Variants in FBXL13 observed in about 807,000 individuals in gnomAD.
FBXL13 encodes F-box and leucine-rich repeat protein 13.
Under a neutral mutation model 83.6 loss-of-function variants are expected in FBXL13, and 67 were observed. That is an observed-to-expected ratio of 0.80 (90% CI 0.66 to 0.98). The LOEUF (loss-of-function observed/expected upper bound fraction) is 0.98. Ranked by LOEUF, FBXL13 falls within the 50% of genes least tolerant of loss-of-function variation. The pLI, the probability that FBXL13 is intolerant of heterozygous loss-of-function variation, is 0.00. For synonymous variants in FBXL13, 272 were observed against 299.5 expected (o/e 0.91, Z 0.95); for missense variants, 822 against 866.5 (o/e 0.95, Z 0.64).
At chr7:103,020,240 T>C (rs564039277) in intron 6 of FBXL13, among the ~76,000 whole-genome samples, 2 of 152,288 alleles carry the variant, frequency 1.3e-5, no homozygotes. Context: ...ATTATCTCAA[T>C]AGATACAGAA....
chr7:102,992,013 T>C (rs1043245787), intron 6 of FBXL13, among the ~76,000 whole-genome samples: 1 of 152,188 alleles, frequency 6.6e-6, no homozygotes, highest in Non-Finnish European at 1.5e-5. Flanking sequence ...GGTCCCAGAA[T>C]TCTGTTAATG....
chr7:103,047,820 A>G (rs977644522), intron 2 of FBXL13, among the ~76,000 whole-genome samples: 11 of 152,062 alleles, frequency 7.2e-5, no homozygotes, highest in Non-Finnish European at 8.8e-5. Flanking sequence ...TCAGCCTCCC[A>G]AGTAGCTGGG....
chr7:103,020,589 G>A (rs557281420), intron 6 of FBXL13, among the ~76,000 whole-genome samples: 31 of 152,270 alleles, frequency 2.0e-4, no homozygotes, highest in African/African-American at 6.0e-4. Flanking sequence ...AAACCCCATC[G>A]TCTCAGCCCA....
At chr7:102,846,664 C>CTCA (rs1480661596) in intron 17 of FBXL13, among the ~76,000 whole-genome samples, 1 of 151,456 alleles carries the variant, frequency 6.6e-6, no homozygotes. Context: ...CATGATCTTA[C>CTCA]TTGAAGGTAT....
intron 8 of FBXL13, among the ~76,000 whole-genome samples, chr7:102,945,308 C>G (rs1388635371): frequency 6.6e-6 from 1 of 152,170 alleles, no homozygotes; most frequent in Non-Finnish European, 1.5e-5. Flanking sequence ...GGTATAAACA[C>G]TCGTGAATAT....
chr7:102,995,988 T>C (rs2129485069), intron 6 of FBXL13, among the ~76,000 whole-genome samples: 1 of 152,216 alleles, frequency 6.6e-6, no homozygotes, highest in East Asian at 1.9e-4. Flanking sequence ...CCAAACTCTT[T>C]GCTATTAGTT....
At chr7:102,898,798 A>G (rs778327542) in intron 11 of FBXL13, among the ~76,000 whole-genome samples, 25 of 152,232 alleles carry the variant, frequency 1.6e-4, no homozygotes, top group Non-Finnish European at 2.2e-4. Context: ...GCATGTGACT[A>G]ATGGTGAGAA....
chr7:102,958,182 A>G (rs1360462647), intron 8 of FBXL13, among the ~76,000 whole-genome samples: 3 of 152,196 alleles, frequency 2.0e-5, no homozygotes, highest in African/African-American at 7.2e-5. Flanking sequence ...CGTGGCACAT[A>G]TACACCATGG....
intron 8 of FBXL13, among the ~76,000 whole-genome samples, chr7:102,959,425 T>C (rs941928948): frequency 1.3e-5 from 2 of 152,032 alleles, no homozygotes; most frequent in African/African-American, 4.8e-5. Flanking sequence ...CTTAAAAATC[T>C]ATAGTAATAT....
intron 10 of FBXL13, among the ~76,000 whole-genome samples, chr7:102,923,836 A>C (rs1040591467): frequency 2.6e-5 from 4 of 152,248 alleles, no homozygotes; most frequent in Middle Eastern, 6.8e-3. Context: ...AAATAAATAA[A>C]TAAATAAAAA....
chr7:102,821,270 C>G (rs1248261365), intron 19 of FBXL13, among the ~76,000 whole-genome samples: 5 of 152,176 alleles, frequency 3.3e-5, no homozygotes, highest in East Asian at 1.9e-4. Context: ...GGACCTACCC[C>G]CTTCTCTCTG....
rs182642839 is a variant in FBXL13 at position 102,884,566 on chromosome 7, A to C, written c.1009-254T>G. Among the ~76,000 whole-genome samples, 6 of 152,304 alleles carry C rather than the reference A, an allele frequency of 3.9e-5. No homozygotes were observed. The East Asian group carries it at 1.2e-3, about 29-fold the overall frequency. ...GCAGTGCATGCCTGTAGTCTCAGCA[A>C]CTTGGGAGGCTGAGATAGGAGGATC... On this transcript the variant is annotated intron_variant, in intron 11 of 19. Coordinates refer to ENST00000313221, the Ensembl canonical transcript of FBXL13.
intron 14 of FBXL13, among the ~76,000 whole-genome samples, chr7:102,880,828 AC>A (rs1377903893): frequency 1.3e-5 from 2 of 152,052 alleles, no homozygotes; most frequent in Non-Finnish European, 2.9e-5. Flanking sequence ...AGAGGTACAA[AC>A]CCTACAGAAG....
intron 6 of FBXL13, among the ~76,000 whole-genome samples, chr7:103,021,284 A>G (rs766834742): frequency 2.0e-5 from 3 of 152,192 alleles, no homozygotes; most frequent in Non-Finnish European, 4.4e-5. Flanking sequence ...AGCCATATGT[A>G]GAAAGCTGAA....
chr7:102,936,523 T>C (rs1820345040), intron 8 of FBXL13, among the ~76,000 whole-genome samples: 1 of 152,224 alleles, frequency 6.6e-6, no homozygotes, highest in African/African-American at 2.4e-5. Context: ...TTCCCGGATA[T>C]TGTTATGGTG....
intron 9 of FBXL13, among the ~76,000 whole-genome samples, chr7:102,926,903 G>T (rs1818244789): frequency 6.6e-6 from 1 of 152,174 alleles, no homozygotes; most frequent in Admixed American, 6.5e-5. Flanking sequence ...TAGCTGAACA[G>T]ATTTTCACCA....
In FBXL13 at chr7:102,922,146, T is replaced by C. The variant is rs187483618; in HGVS notation, c.878+4128A>G. 1.3e-3 allele frequency among the ~76,000 whole-genome samples: 191 copies of C among 150,668 alleles called. 3 individuals are homozygous for C. The highest frequency in any genetic ancestry group is 7.0e-3 in the Admixed American group (105 of 15,088). On this transcript the variant is annotated intron_variant, in intron 10 of 19. Transcript: ENST00000313221. ...CGGAGGTTGCAGTGAGCTGAGGTCG[T>C]GCCACTGCATTCCAGCCTGGGCGAC... is the stretch of plus-strand genomic sequence containing the variant.
intron 8 of FBXL13, among the ~76,000 whole-genome samples, chr7:102,949,644 T>C (rs956805844): frequency 6.6e-6 from 1 of 152,224 alleles, no homozygotes; most frequent in Non-Finnish European, 1.5e-5. Flanking sequence ...TGCTCAGTTG[T>C]TTCTGTGATG....
intron 18 of FBXL13, among the ~76,000 whole-genome samples, chr7:102,831,842 T>A (rs1449982254): frequency 6.6e-6 from 1 of 152,148 alleles, no homozygotes; most frequent in East Asian, 1.9e-4. Flanking sequence ...TCACTCTTCA[T>A]CTCTAGTTCT....
Sources: gnomAD v4.1 joint callset for allele counts (sites outside exome capture counted in the v4.1 genomes callset) on GRCh38, gnomAD v4.1.1 for gene constraint, MANE v1.5 for transcripts, NCBI Gene and HGNC (gene_info 2026-07-23, HGNC 2026-07-21) for gene names.